DYRK1A: variants seen among roughly 807,000 people sequenced by gnomAD.
The protein encoded by DYRK1A is dual specificity tyrosine phosphorylation regulated kinase 1A.
DYRK1A carries 9 observed loss-of-function variants against 79.7 expected under a neutral mutation model. The observed-to-expected ratio is 0.11, with a 90% CI of 0.07 to 0.20. The LOEUF (loss-of-function observed/expected upper bound fraction) is 0.20, where lower values mean the gene tolerates loss of function less well. Ranked by LOEUF, DYRK1A falls within the 10% of genes least tolerant of loss-of-function variation. DYRK1A has a pLI of 1.00. For synonymous variants in DYRK1A, 349 were observed against 329.7 expected, an observed-to-expected ratio of 1.06 and a Z score of -0.63; for missense variants, 622 against 956.0, an observed-to-expected ratio of 0.65 and a Z score of 4.61.
chr21:37,413,663 T>C (rs931171681), intron 1 of DYRK1A, among the ~76,000 whole-genome samples: 2 of 152,178 alleles, frequency 1.3e-5, no homozygotes, highest in African/African-American at 2.4e-5. Context: ...AACGTTACAA[T>C]AGATAGCACT....
intron 1 of DYRK1A, among the ~76,000 whole-genome samples, chr21:37,381,144 A>G (rs1191604461): frequency 6.6e-6 from 1 of 152,194 alleles, no homozygotes; most frequent in Non-Finnish European, 1.5e-5. Context: ...CTAAATAAAC[A>G]TTTGTTGAAT....
chr21:37,474,449 A>G (rs1212570354), intron 3 of DYRK1A, among the ~76,000 whole-genome samples: 1 of 152,180 alleles, frequency 6.6e-6, no homozygotes, highest in Non-Finnish European at 1.5e-5. Flanking sequence ...CAAAATCCAA[A>G]AATTTCTGGG....
chr21:37,375,625 C>T (rs1040155617), intron 1 of DYRK1A, among the ~76,000 whole-genome samples: 4 of 147,184 alleles, frequency 2.7e-5, no homozygotes, highest in Admixed American at 1.4e-4. Context: ...TTCCGGGTTC[C>T]AGCAATTCTC....
chr21:37,471,560 G>A (rs2052225124), intron 2 of DYRK1A, among the ~76,000 whole-genome samples: 1 of 152,192 alleles, frequency 6.6e-6, no homozygotes, highest in Non-Finnish European at 1.5e-5. Flanking sequence ...TATGTTGTAT[G>A]TACTAAAGCA....
At chr21:37,400,085 T>C (rs368185826) in intron 1 of DYRK1A, among the ~76,000 whole-genome samples, 45 of 152,322 alleles carry the variant, frequency 3.0e-4, no homozygotes, top group African/African-American at 8.9e-4. Flanking sequence ...TAGGAGGCTG[T>C]AGGAGAGAGC....
chr21:37,473,578 A>G (rs553384705), intron 3 of DYRK1A, among the ~76,000 whole-genome samples: 1 of 152,312 alleles, frequency 6.6e-6, no homozygotes, highest in East Asian at 1.9e-4. Flanking sequence ...TTGATGTGTG[A>G]TGAGCACTGA....
At chr21:37,486,653 A>G in intron 6 of DYRK1A, 39 bp downstream of exon 6, 2 of 1,402,368 alleles carry the variant, frequency 1.4e-6, no homozygotes, top group Non-Finnish European at 1.9e-6. Context: ...GCCCCAACCC[A>G]CACCAAAACT....
chr21:37,449,269 G>A (rs990187648), intron 2 of DYRK1A, among the ~76,000 whole-genome samples: 1 of 152,096 alleles, frequency 6.6e-6, no homozygotes, highest in Non-Finnish European at 1.5e-5. Flanking sequence ...CTGGTTTAAC[G>A]AACACACCTA....
At chr21:37,478,142 T>A (rs2052467434) in intron 3 of DYRK1A, 66 bp from the exon 4 acceptor site, 15 of 1,602,702 alleles carry the variant, frequency 9.4e-6, no homozygotes, top group Non-Finnish European at 1.2e-5. Flanking sequence ...GGAATTTATA[T>A]CTTATAGTTA....
intron 4 of DYRK1A, among the ~76,000 whole-genome samples, chr21:37,480,365 C>A (rs1013635776): frequency 6.6e-6 from 1 of 152,154 alleles, no homozygotes; most frequent in African/African-American, 2.4e-5. Context: ...ATAAATTATA[C>A]TTCAATTTAA....
At chr21:37,463,021 A>G (rs2051896057) in intron 2 of DYRK1A, among the ~76,000 whole-genome samples, 1 of 152,224 alleles carries the variant, frequency 6.6e-6, no homozygotes, top group Non-Finnish European at 1.5e-5. Flanking sequence ...TCCATAACCC[A>G]TTGTTACTAA....
At chr21:37,472,641 A>C in intron 2 of DYRK1A, 43 bp from the exon 3 acceptor site, 1 of 1,437,890 alleles carries the variant, frequency 7.0e-7, no homozygotes, top group Non-Finnish European at 9.4e-7. Flanking sequence ...TACAAACATT[A>C]GGATATGAAT....
intron 2 of DYRK1A, among the ~76,000 whole-genome samples, chr21:37,447,065 C>T (rs2051296928): frequency 6.6e-6 from 1 of 152,164 alleles, no homozygotes; most frequent in African/African-American, 2.4e-5. Context: ...AGAGGCAGAG[C>T]TTTATGTGTA....
intron 11 of DYRK1A, 127 bp from the exon 12 acceptor site, chr21:37,511,784 A>T: frequency 8.7e-7 from 1 of 1,146,740 alleles, no homozygotes; most frequent in Non-Finnish European, 1.2e-6. Context: ...TTAACACATT[A>T]AAAGTTTCAA....
chr21:37,494,268 A>G (rs1419391405), intron 8 of DYRK1A, among the ~76,000 whole-genome samples: 1 of 150,758 alleles, frequency 6.6e-6, no homozygotes, highest in Non-Finnish European at 1.5e-5. Flanking sequence ...TTTTTTTAGT[A>G]TAAATCTTAC....
intron 2 of DYRK1A, among the ~76,000 whole-genome samples, chr21:37,434,138 G>C (rs1415867492): frequency 6.6e-6 from 1 of 152,136 alleles, no homozygotes; most frequent in African/African-American, 2.4e-5. Context: ...TAGTGTTAGG[G>C]ATAGGACCAG....
intron 1 of DYRK1A, among the ~76,000 whole-genome samples, chr21:37,398,798 A>G (rs1047218418): frequency 6.6e-6 from 1 of 152,146 alleles, no homozygotes; most frequent in African/African-American, 2.4e-5. Context: ...GAGCCCTACA[A>G]CCATAACAGG....
chr21:37,479,159 A>G (rs1471272594), intron 4 of DYRK1A, among the ~76,000 whole-genome samples: 2 of 151,310 alleles, frequency 1.3e-5, no homozygotes, highest in Non-Finnish European at 2.9e-5. Flanking sequence ...CAAATTTTAT[A>G]GCAATTTAAT....
chr21:37,398,750 A>G (rs1239291382), intron 1 of DYRK1A, among the ~76,000 whole-genome samples: 1 of 152,138 alleles, frequency 6.6e-6, no homozygotes. Flanking sequence ...AAAACTATTC[A>G]TTATAATGTC....
Sources: allele counts gnomAD v4.1 joint callset (sites outside exome capture counted in the v4.1 genomes callset), GRCh38; gene constraint gnomAD v4.1.1; transcripts MANE v1.5; gene names NCBI Gene and HGNC (gene_info 2026-07-23, HGNC 2026-07-21).